The following MOSPD1 variants were observed in gnomAD, a reference collection of about 807,000 sequenced individuals.
MOSPD1 encodes motile sperm domain containing 1.
A neutral mutation model predicts 16.7 loss-of-function variants in MOSPD1; 5 were observed. That is an observed-to-expected ratio of 0.30 (90% CI 0.16 to 0.63). The LOEUF (loss-of-function observed/expected upper bound fraction) is 0.63. MOSPD1 is among the 30% of genes least tolerant of loss of function. MOSPD1 has a pLI of 0.82. For missense variants in MOSPD1, 104 were observed against 153.6 expected, an observed-to-expected ratio of 0.68 and a Z score of 1.71; for synonymous variants, 67 against 59.2, an observed-to-expected ratio of 1.13 and a Z score of -0.61.
At chrX:134,892,344 C>T (rs2082866349) in intron 4 of MOSPD1, among the ~76,000 whole-genome samples, 1 of 112,214 alleles carries the variant, frequency 8.9e-6, no homozygotes, top group Non-Finnish European at 1.9e-5. Flanking sequence ...ACAAATACTG[C>T]ATGATTCCAC....
chrX:134,910,573 G>A (rs964463268), intron 1 of MOSPD1, among the ~76,000 whole-genome samples: 2 of 111,842 alleles, frequency 1.8e-5, no homozygotes, highest in African/African-American at 6.5e-5. Context: ...GATATGATGT[G>A]AGCAGTGTTA....
intron 4 of MOSPD1, among the ~76,000 whole-genome samples, chrX:134,894,537 G>C (rs2082876930): frequency 8.9e-6 from 1 of 111,733 alleles, no homozygotes; most frequent in Non-Finnish European, 1.9e-5. Flanking sequence ...ATAAATTCCT[G>C]TAAATTTAAT....
At chrX:134,912,659 G>A (rs189504733) in intron 1 of MOSPD1, among the ~76,000 whole-genome samples, 2 of 110,649 alleles carry the variant, frequency 1.8e-5, no homozygotes, top group Admixed American at 9.7e-5. Flanking sequence ...AAAAAAACTG[G>A]CCAGGCGCAG....
intron 1 of MOSPD1, among the ~76,000 whole-genome samples, chrX:134,913,709 T>C (rs1485230272): frequency 8.9e-6 from 1 of 112,166 alleles, no homozygotes; most frequent in Non-Finnish European, 1.9e-5. Context: ...TTTAATTATA[T>C]ATTATTAATA....
intron 1 of MOSPD1, among the ~76,000 whole-genome samples, chrX:134,913,234 G>C (rs754911940): frequency 9.0e-6 from 1 of 110,583 alleles, no homozygotes; most frequent in African/African-American, 3.3e-5. Context: ...AAGTAGCTGG[G>C]CATGGTGGTG....
chrX:134,906,967 G>A (rs1010785954), intron 1 of MOSPD1, among the ~76,000 whole-genome samples: 6 of 111,617 alleles, frequency 5.4e-5, no homozygotes, highest in African/African-American at 9.8e-5. Context: ...GGTGGCTCAC[G>A]CCTGTAATCC....
chrX:134,889,202 GA>G lies in MOSPD1; in HGVS notation c.611-11del. 3 of 1,175,524 alleles carry G rather than the reference GA, an allele frequency of 2.6e-6. No homozygotes were observed. Among genetic ancestry groups the G allele is most frequent in the Non-Finnish European group, 2.3e-6 (2 of 871,178 alleles). Reference sequence around the variant, plus strand: ...GCCATTGTGATAAGACCTGAAAGAAGAAAAATGGAGAACAGTTAAAGGTATG... The same window carrying G: ...GCCATTGTGATAAGACCTGAAAGAAGAAAATGGAGAACAGTTAAAGGTATG... On this transcript the variant is annotated splice_polypyrimidine_tract_variant and intron_variant, in intron 5 of 5. Coordinates refer to ENST00000370783, the MANE Select transcript of MOSPD1 (RefSeq NM_019556.3).
chrX:134,912,477 C>G (rs901995718), intron 1 of MOSPD1, among the ~76,000 whole-genome samples: 1 of 109,473 alleles, frequency 9.1e-6, no homozygotes, highest in African/African-American at 3.3e-5. Flanking sequence ...CCACTCCCCA[C>G]CTTTTTTTTC....
intron 4 of MOSPD1, among the ~76,000 whole-genome samples, chrX:134,893,610 T>C (rs982903576): frequency 8.9e-6 from 1 of 111,750 alleles, no homozygotes; most frequent in Admixed American, 9.6e-5. Flanking sequence ...TTGGTATGTA[T>C]CCTTTTAGAT....
intron 1 of MOSPD1, among the ~76,000 whole-genome samples, 181 bp downstream of exon 1, chrX:134,915,001 C>T (rs947105233): frequency 8.9e-5 from 10 of 112,976 alleles, no homozygotes; most frequent in Non-Finnish European, 1.7e-4. Flanking sequence ...GAAAGGATCC[C>T]CTCCGTCTCC....
intron 1 of MOSPD1, among the ~76,000 whole-genome samples, chrX:134,909,427 T>G (rs1259462230): frequency 8.9e-6 from 1 of 111,858 alleles, no homozygotes; most frequent in African/African-American, 3.2e-5. Flanking sequence ...TATCTCTCCC[T>G]GGCTCTTGCT....
intron 1 of MOSPD1, among the ~76,000 whole-genome samples, chrX:134,903,411 T>TC (rs397933356): frequency 1.8e-5 from 2 of 110,995 alleles, no homozygotes; most frequent in East Asian, 5.6e-4. Flanking sequence ...GTTTTTTTTT[T>TC]CACTTAGAAA....
At chrX:134,912,936 C>CAA (rs746535932) in intron 1 of MOSPD1, among the ~76,000 whole-genome samples, 1 of 65,596 alleles carries the variant, frequency 1.5e-5, no homozygotes. Context: ...GACTCTGTCT[C>CAA]AAAAAAAAAA....
At chrX:134,914,178 AT>A (rs760735481) in intron 1 of MOSPD1, among the ~76,000 whole-genome samples, 303 of 111,940 alleles carry the variant, frequency 2.7e-3, no homozygotes, top group Non-Finnish European at 4.6e-3. Context: ...AAAGGACACA[AT>A]TTTTCACGTT....
At chrX:134,896,571 G>A (rs898945446) in intron 4 of MOSPD1, among the ~76,000 whole-genome samples, 3 of 111,587 alleles carry the variant, frequency 2.7e-5, no homozygotes, top group African/African-American at 9.8e-5. Context: ...ATATTTAAAA[G>A]GCTACAGCAA....
Position 134,891,581 on chromosome X carries a change from T to A in MOSPD1, c.508A>T (p.Ile170Phe). 1 of 1,211,051 alleles carries A rather than the reference T, an allele frequency of 8.3e-7. No individual in the cohort carries two copies. The stretch of plus-strand genomic sequence containing the variant: ...AGTGTAGGCAGCATCAGGGCTGCAA[T>A]GCACACCACTCCCAGGAAGACAGTT... The part of the protein sequence containing the change: ...LLTVFLGVVC[I>F]AALMLPTLGD... Residue 170 changes from isoleucine to phenylalanine, a missense_variant, in exon 5 of 6, where the codon ATT becomes TTT. Physicochemically the swap from Ile to Phe is conservative, Grantham distance 21. Around this residue, in one of 3 missense-constraint regions of MOSPD1, gnomAD observed 68 missense variants for 73.1 expected, o/e 0.93. Transcript: ENST00000370783.
At chrX:134,903,332 AAAC>A (rs2082921986) in intron 1 of MOSPD1, among the ~76,000 whole-genome samples, 1 of 111,922 alleles carries the variant, frequency 8.9e-6, no homozygotes, top group Admixed American at 9.5e-5. Flanking sequence ...ACTCTAGAAG[AAAC>A]AATGAGAAAA....
chrX:134,898,562 C>T (rs2082897151), intron 3 of MOSPD1, among the ~76,000 whole-genome samples: 1 of 111,951 alleles, frequency 8.9e-6, no homozygotes, highest in Non-Finnish European at 1.9e-5. Context: ...ATTTATCTGA[C>T]ACTCTAAGAT....
chrX:134,912,072 CAG>C (rs1296255886), intron 1 of MOSPD1, among the ~76,000 whole-genome samples: 3 of 112,313 alleles, frequency 2.7e-5, no homozygotes, highest in Non-Finnish European at 3.8e-5. Flanking sequence ...CTTTTTGAGA[CAG>C]AGTTTCGCTC....
Sources: gnomAD v4.1 joint callset for allele counts (sites outside exome capture counted in the v4.1 genomes callset) on GRCh38, gnomAD v4.1.1 for gene constraint, gnomAD v4.1.1 regional missense constraint, MANE v1.5 for transcripts, NCBI Gene and HGNC (gene_info 2026-07-23, HGNC 2026-07-21) for gene names.